Variants in RXFP1 observed in about 807,000 individuals in gnomAD.
RXFP1 encodes relaxin receptor 1.
In RXFP1, 73 loss-of-function variants were observed where a neutral mutation model predicts 89.8. The observed-to-expected ratio is 0.81, with a 90% CI of 0.67 to 0.99. The LOEUF (loss-of-function observed/expected upper bound fraction) is 0.99, where lower values mean the gene tolerates loss of function less well. Among genes scored for constraint, RXFP1 ranks in the 50% least tolerant of loss-of-function variants. The pLI is 0.00. For synonymous variants in RXFP1, 277 were observed against 305.5 expected (o/e 0.91, Z 0.97); for missense variants, 793 against 895.5 (o/e 0.89, Z 1.46).
intron 15 of RXFP1, 114 bp from the exon 16 acceptor site, chr4:158,646,677 C>T: frequency 2.7e-6 from 4 of 1,467,798 alleles, no homozygotes; most frequent in Non-Finnish European, 3.6e-6. Context: ...ATTACCTCTT[C>T]CTAAGTTGGA....
chr4:158,614,014 C>G (rs980103434), intron 8 of RXFP1, among the ~76,000 whole-genome samples: 1 of 151,080 alleles, frequency 6.6e-6, no homozygotes, highest in South Asian at 2.1e-4. Flanking sequence ...CACTGGATCT[C>G]TTGGGTGACC....
chr4:158,569,236 C>G (rs542681397), intron 1 of RXFP1, among the ~76,000 whole-genome samples: 2 of 152,212 alleles, frequency 1.3e-5, no homozygotes, highest in Non-Finnish European at 2.9e-5. Context: ...CTGCATGATT[C>G]CAATGACATA....
intron 6 of RXFP1, chr4:158,610,733 T>C: frequency 7.0e-6 from 9 of 1,285,152 alleles, no homozygotes; most frequent in Non-Finnish European, 9.1e-6. Flanking sequence ...ACCTGGAGGG[T>C]TTTTGTATAA....
At chr4:158,644,404 T>C (rs1244724723) in intron 14 of RXFP1, among the ~76,000 whole-genome samples, 1 of 152,212 alleles carries the variant, frequency 6.6e-6, no homozygotes, top group Non-Finnish European at 1.5e-5. Context: ...TTTAATGGGA[T>C]GTTTTCTTTT....
intron 12 of RXFP1, among the ~76,000 whole-genome samples, chr4:158,633,888 A>G (rs1369501218): frequency 1.3e-5 from 2 of 152,162 alleles, no homozygotes; most frequent in African/African-American, 4.8e-5. Context: ...GCTGAACAAT[A>G]TTTCATTGTG....
intron 5 of RXFP1, among the ~76,000 whole-genome samples, chr4:158,606,750 C>CTT (rs552763586): frequency 1.4e-5 from 2 of 138,020 alleles, no homozygotes; most frequent in Non-Finnish European, 1.6e-5. Context: ...CACCTGGCTC[C>CTT]TTTTTTTTTT....
At chr4:158,623,502 C>CAAAAAAGAA (rs1491430652) in intron 9 of RXFP1, among the ~76,000 whole-genome samples, 11 of 42,636 alleles carry the variant, frequency 2.6e-4, no homozygotes, top group African/African-American at 7.6e-4. Context: ...AACTCCATCT[C>CAAAAAAGAA]AAAAAAAAAA....
intron 3 of RXFP1, among the ~76,000 whole-genome samples, chr4:158,594,821 T>C (rs1245298660): frequency 6.6e-6 from 1 of 152,170 alleles, no homozygotes; most frequent in Non-Finnish European, 1.5e-5. Flanking sequence ...TTGCTGGGTT[T>C]TTAATTCATG....
intron 8 of RXFP1, among the ~76,000 whole-genome samples, chr4:158,616,765 G>A (rs530441063): frequency 2.6e-5 from 4 of 151,476 alleles, no homozygotes; most frequent in Non-Finnish European, 4.4e-5. Flanking sequence ...TTGGGAGTCC[G>A]AGGTGGGTGG....
intron 10 of RXFP1, 75 bp downstream of exon 10, chr4:158,626,966 GA>G (rs539243210): frequency 9.7e-5 from 69 of 707,746 alleles, no homozygotes; most frequent in Non-Finnish European, 1.3e-4. Flanking sequence ...CCATTTTATG[GA>G]AAAAAAATCC....
intron 14 of RXFP1, among the ~76,000 whole-genome samples, chr4:158,644,071 G>GTC (rs1770997079): frequency 7.8e-6 from 1 of 128,900 alleles, no homozygotes; most frequent in Non-Finnish European, 1.6e-5. Context: ...TGGAGACAGA[G>GTC]TCTCGCTCTG....
In RXFP1 at chr4:158,576,774, G is replaced by A. The variant is rs115121140; in HGVS notation, c.187+3939G>A. ...GAAATAGAAAAAAAAAATTAATTCCGTTCAAAACCTCAAAGATGCCCAGTT... is the reference window on the plus strand; with the variant it reads ...GAAATAGAAAAAAAAAATTAATTCCATTCAAAACCTCAAAGATGCCCAGTT... On this transcript the variant is annotated intron_variant, in intron 2 of 17. Coordinates refer to ENST00000307765, the MANE Select transcript of RXFP1 (RefSeq NM_021634.4). Among the ~76,000 whole-genome samples, 483 of 152,094 alleles carry A rather than the reference G, an allele frequency of 3.2e-3. 1 individual carries two copies. Among genetic ancestry groups the A allele is most frequent in the African/African-American group, 0.011 (454 of 41,480 alleles).
chr4:158,543,940 C>T (rs1489685525), intron 1 of RXFP1: 10 of 985,216 alleles, frequency 1.0e-5, no homozygotes, highest in Non-Finnish European at 1.2e-5. Context: ...TAGTATCTGC[C>T]TCTGAGGATT....
intron 5 of RXFP1, 54 bp from the exon 6 acceptor site, chr4:158,607,918 G>C (rs1762802605): frequency 8.2e-7 from 1 of 1,226,226 alleles, no homozygotes; most frequent in Non-Finnish European, 1.2e-6. Flanking sequence ...TTTTTGTCTT[G>C]CAAAAGTGAA....
chr4:158,639,290 C>G lies in RXFP1; in HGVS notation c.1074C>G (p.Ile358Met). 2 of 1,572,298 alleles carry G rather than the reference C, an allele frequency of 1.3e-6. No homozygotes were observed. Among genetic ancestry groups the G allele is most frequent in the Middle Eastern group, 3.4e-4 (2 of 5,968 alleles). The change falls in exon 14 of 18, where the codon ATC becomes ATG. Residue 358 changes from isoleucine to methionine, a missense_variant. Ile to Met is a conservative substitution (Grantham distance 10). Coordinates refer to ENST00000307765, the MANE Select transcript of RXFP1 (RefSeq NM_021634.4). ...TAGAAGGGATTGAAATTTCAAATAT[C>G]CAACAAAGGATGTTTAGACCTCTTA... ...LSLEGIEISN[I>M]QQRMFRPLMN...
intron 1 of RXFP1, among the ~76,000 whole-genome samples, chr4:158,529,233 C>T (rs1743360704): frequency 2.1e-5 from 1 of 47,992 alleles, no homozygotes; most frequent in Non-Finnish European, 6.5e-5. Flanking sequence ...TCTTTTTTTG[C>T]TTGCTTGTTT....
At chr4:158,582,270 C>A (rs917511211) in intron 2 of RXFP1, among the ~76,000 whole-genome samples, 1 of 152,124 alleles carries the variant, frequency 6.6e-6, no homozygotes, top group African/African-American at 2.4e-5. Context: ...AAGGTAATTT[C>A]TGCTACAAGG....
chr4:158,541,559 T>C (rs1746641589), intron 1 of RXFP1, among the ~76,000 whole-genome samples: 1 of 152,202 alleles, frequency 6.6e-6, no homozygotes, highest in Non-Finnish European at 1.5e-5. Context: ...AAACACTTTA[T>C]TTTGAAAAAT....
intron 1 of RXFP1, among the ~76,000 whole-genome samples, chr4:158,546,995 T>C (rs1461956650): frequency 6.6e-6 from 1 of 152,122 alleles, no homozygotes; most frequent in Non-Finnish European, 1.5e-5. Context: ...CCTCTTTTTC[T>C]ATTGATTGGA....
Sources: allele counts gnomAD v4.1 joint callset (sites outside exome capture counted in the v4.1 genomes callset), GRCh38; gene constraint gnomAD v4.1.1; transcripts MANE v1.5; gene names NCBI Gene and HGNC (gene_info 2026-07-23, HGNC 2026-07-21).